CPT1A: variants seen among roughly 807,000 people sequenced by gnomAD.
The protein encoded by CPT1A is carnitine palmitoyltransferase 1A, also known as carnitine O-palmitoyltransferase 1, liver isoform.
In CPT1A, 64 loss-of-function variants were observed where a neutral mutation model predicts 100.8. The observed-to-expected ratio is 0.63, with a 90% CI of 0.52 to 0.78. CPT1A has a LOEUF of 0.78. Ranked by LOEUF, CPT1A falls within the 30% of genes least tolerant of loss-of-function variation. The pLI, the probability that CPT1A is intolerant of heterozygous loss-of-function variation, is 0.00. For missense variants in CPT1A, 802 were observed against 1,034.1 expected (o/e 0.78, Z 3.08); for synonymous variants, 363 against 396.0 (o/e 0.92, Z 0.99).
intron 17 of CPT1A, 94 bp downstream of exon 17, chr11:68,760,131 C>CG (rs1054074930): frequency 2.3e-6 from 2 of 863,350 alleles, no homozygotes; most frequent in Non-Finnish European, 3.8e-6. Flanking sequence ...CGCAAGGTAA[C>CG]GGGGGCACCC....
Position 68,808,631 on chromosome 11 carries a change from A to T in CPT1A, c.282-993T>A, listed in dbSNP as rs962547960. Among the ~76,000 whole-genome samples, 12 of 151,880 alleles carry T rather than the reference A, an allele frequency of 7.9e-5. 1 individual carries two copies. The highest frequency in any genetic ancestry group is 2.9e-5 in the Non-Finnish European group (2 of 67,964). ...TGATCCACCCGCCTCGGCCTCCCAA[A>T]GTGCTGGGATTATAGGTGTGTGCCA... is the stretch of plus-strand genomic sequence containing the variant. On this transcript the variant is annotated intron_variant, in intron 3 of 18. Coordinates refer to ENST00000265641, the MANE Select transcript of CPT1A (RefSeq NM_001876.4).
At position 68,780,623 on chromosome 11, in the gene CPT1A, A is replaced by G. The variant is rs369397677; in HGVS notation, c.1458+17T>C. 5 of 1,609,732 alleles carry G rather than the reference A, an allele frequency of 3.1e-6. No individual in the cohort carries two copies. In the Admixed American group the frequency reaches 5.0e-5, roughly 16 times the overall value. On this transcript the variant is annotated intron_variant, in intron 12 of 18. Coordinates refer to ENST00000265641, the MANE Select transcript of CPT1A (RefSeq NM_001876.4). The stretch of plus-strand genomic sequence containing the variant: ...AAAAGCAACTTCCACATTCAAGTGA[A>G]AAGTGTGAAAACTCACCTCCCAAAG...
At chr11:68,794,985 G>T in intron 7 of CPT1A, 74 bp from the exon 8 acceptor site, 1 of 1,106,464 alleles carries the variant, frequency 9.0e-7, no homozygotes, top group Non-Finnish European at 1.4e-6. Flanking sequence ...AGCACATCCT[G>T]CACACTGTCA....
intron 12 of CPT1A, among the ~76,000 whole-genome samples, chr11:68,777,923 C>A (rs1027181395): frequency 1.3e-5 from 2 of 152,126 alleles, no homozygotes; most frequent in African/African-American, 4.8e-5. Flanking sequence ...CTGAAGGCAG[C>A]TTGATCTTCA....
At position 68,780,731 on chromosome 11, in the gene CPT1A, G is replaced by T. The variant is rs1478167106; in HGVS notation, c.1367C>A (p.Ser456Ter). 6.2e-7 allele frequency: 1 copy of T among 1,614,136 alleles called. No homozygotes were observed. Among genetic ancestry groups the T allele is most frequent in the Non-Finnish European group, 8.5e-7 (1 of 1,179,966 alleles). ...GRCYDRWFDK[S>*]FTFVVFKNGK... ...GTTTTTGAAGACAACAAACGTGAAC[G>T]ACTTGTCAAACCACCTACGTGAAAC... The change falls in exon 12 of 19, where the codon TCG (serine) becomes TAG (stop). Residue 456 changes from serine (S) to a stop codon, truncating the protein, a stop_gained. Coordinates refer to ENST00000265641, the MANE Select transcript of CPT1A (RefSeq NM_001876.4). LOFTEE classifies it high-confidence loss of function.
At chr11:68,776,757 T>C (rs1353453368) in intron 12 of CPT1A, among the ~76,000 whole-genome samples, 1 of 152,224 alleles carries the variant, frequency 6.6e-6, no homozygotes, top group African/African-American at 2.4e-5. Context: ...TGCACGCCTG[T>C]AATCCCAGCT....
chr11:68,821,580 C>T (rs1856583248), intron 1 of CPT1A, among the ~76,000 whole-genome samples: 2 of 152,190 alleles, frequency 1.3e-5, no homozygotes, highest in Admixed American at 6.5e-5. Context: ...TGTGAGCCAC[C>T]GCGCCCAACC....
intron 2 of CPT1A, among the ~76,000 whole-genome samples, chr11:68,814,971 G>A (rs1022389238): frequency 2.0e-5 from 3 of 152,312 alleles, no homozygotes; most frequent in East Asian, 3.9e-4. Flanking sequence ...ATAGGTGTGA[G>A]CCACTGCACC....
chr11:68,773,255 C>A lies in CPT1A; in HGVS notation c.1740+10G>T. The A allele has an allele frequency of 1.2e-6, 2 of 1,613,800 alleles. No homozygotes were observed. Among genetic ancestry groups the A allele is most frequent in the South Asian group, 2.2e-5 (2 of 91,000 alleles). On this transcript the variant is annotated intron_variant, in intron 14 of 18. Transcript: ENST00000265641. ...TGCTCACGACAAAACCCTAGGCGGT[C>A]AGTTCTTACCTTGTAGTGCGCCAGC...
intron 9 of CPT1A, among the ~76,000 whole-genome samples, chr11:68,792,323 C>A (rs1395606428): frequency 1.3e-5 from 2 of 151,888 alleles, no homozygotes; most frequent in African/African-American, 4.8e-5. Flanking sequence ...GGCAACAGAG[C>A]GAGACTCCCT....
Position 68,807,535 on chromosome 11 carries a change from G to A in CPT1A, c.385C>T (p.Leu129=). The change falls in exon 4 of 19, where the codon CTG becomes TTG. Residue 129 remains leucine, a synonymous_variant. Transcript: ENST00000265641. ...IVTMRYSLKV[L]LSYHGWMFTE... is the part of the protein sequence containing the mutation. The stretch of plus-strand genomic sequence containing the variant: ...AACATCCACCCGTGGTAGGAGAGCA[G>A]CACTTTCAGGGAGTAGCGCATGGTG... The A allele has an allele frequency of 6.2e-7, 1 of 1,614,186 alleles. No individual in the cohort carries two copies.
At chr11:68,787,502 C>T (rs1855496335) in intron 9 of CPT1A, among the ~76,000 whole-genome samples, 1 of 151,988 alleles carries the variant, frequency 6.6e-6, no homozygotes, top group Non-Finnish European at 1.5e-5. Context: ...TCCTATACCC[C>T]AGGGCACAGG....
chr11:68,777,286 T>C (rs1171258108), intron 12 of CPT1A, among the ~76,000 whole-genome samples: 2 of 151,826 alleles, frequency 1.3e-5, no homozygotes, highest in East Asian at 3.9e-4. Flanking sequence ...AAAAATCAGC[T>C]GGGCGTGGTG....
chr11:68,809,173 C>T (rs1856128156), intron 3 of CPT1A, among the ~76,000 whole-genome samples: 1 of 152,076 alleles, frequency 6.6e-6, no homozygotes, highest in Admixed American at 6.6e-5. Flanking sequence ...ACTGTAGTCT[C>T]TTCTTTAAAC....
intron 14 of CPT1A, among the ~76,000 whole-genome samples, chr11:68,767,842 G>A (rs899895304): frequency 1.8e-4 from 27 of 151,928 alleles, no homozygotes; most frequent in Middle Eastern, 3.2e-3. Flanking sequence ...TGTAACTGAC[G>A]ATTCCCCTAC....
intron 12 of CPT1A, among the ~76,000 whole-genome samples, chr11:68,778,728 G>T (rs1855211493): frequency 6.6e-6 from 1 of 151,690 alleles, no homozygotes; most frequent in South Asian, 2.1e-4. Flanking sequence ...AACATTCACA[G>T]AAGTTTAAAG....
intron 9 of CPT1A, chr11:68,785,851 A>G: frequency 1.8e-6 from 1 of 549,866 alleles, no homozygotes; most frequent in Non-Finnish European, 3.2e-6. Context: ...TCTGAGAAAG[A>G]AAGTGGAAAA....
chr11:68,838,578 A>AAAAAAAAAAAAAAAAC (rs1555235318), intron 1 of CPT1A, among the ~76,000 whole-genome samples: 3 of 144,292 alleles, frequency 2.1e-5, no homozygotes, highest in Non-Finnish European at 4.5e-5. Context: ...TTTTTAAAAA[A>AAAAAAAAAAAAAAAAC]AAAAAAAAAA....
intron 12 of CPT1A, among the ~76,000 whole-genome samples, chr11:68,776,351 A>T (rs1433843246): frequency 6.6e-6 from 1 of 152,228 alleles, no homozygotes; most frequent in Non-Finnish European, 1.5e-5. Flanking sequence ...ATGAGTCATG[A>T]CTGTGCCACT....
Sources: gnomAD v4.1 joint callset for allele counts (sites outside exome capture counted in the v4.1 genomes callset) on GRCh38, gnomAD v4.1.1 for gene constraint, MANE v1.5 for transcripts, NCBI Gene and HGNC (gene_info 2026-07-23, HGNC 2026-07-21) for gene names.